Variants in OTUD4 observed in about 807,000 individuals in gnomAD.
OTUD4 encodes the protein OTU deubiquitinase 4.
In OTUD4, 24 loss-of-function variants were observed where a neutral mutation model predicts 130.4. The observed-to-expected ratio is 0.18, with a 90% CI of 0.13 to 0.26. OTUD4 has a LOEUF of 0.26. OTUD4 is among the 10% of genes least tolerant of loss of function. The probability of loss-of-function intolerance (pLI) is 1.00; values close to 1 mark genes in which losing one functional copy is unlikely to be tolerated. For missense variants in OTUD4, 1,031 were observed against 1,329.4 expected, an observed-to-expected ratio of 0.78 and a Z score of 3.49; for synonymous variants, 420 against 472.5, an observed-to-expected ratio of 0.89 and a Z score of 1.44.
At chr4:145,179,751 C>G (rs1235280015) in intron 1 of OTUD4, 64 bp downstream of exon 1, 2 of 1,464,934 alleles carry the variant, frequency 1.4e-6, no homozygotes, top group Non-Finnish European at 1.8e-6. Flanking sequence ...AGCTGCCTCC[C>G]CACCCAGACC....
chr4:145,179,612 G>A lies in OTUD4; in HGVS notation c.159+203C>T, dbSNP rs1440624953. On this transcript the variant is annotated intron_variant, in intron 1 of 20. Transcript: ENST00000447906. ...CAGGAGAGAGACACCCCGTTAATTT[G>A]CGGGCTTTCGAGTTTCAATTTGCAC... The A allele has an allele frequency of 6.5e-6, 9 of 1,385,292 alleles. No individual in the cohort carries two copies. The East Asian group carries it at 1.8e-4, about 27-fold the overall frequency. The allele number at this position is 1,385,292 out of a possible 1,614,324, so 85.8% of individuals were successfully genotyped here. A position where few individuals can be genotyped will look rare whatever the true frequency, so the allele number is the denominator to read the frequency against.
At position 145,172,479 on chromosome 4, in the gene OTUD4, A is replaced by G. The variant is rs572173853; in HGVS notation, c.244-759T>C. Among the ~76,000 whole-genome samples, 71 of 152,286 alleles carry G rather than the reference A, an allele frequency of 4.7e-4. No individual in the cohort carries two copies. The South Asian group carries it at 0.014, about 30-fold the overall frequency. On this transcript the variant is annotated intron_variant, in intron 2 of 20. Transcript: ENST00000447906. ...GCTTCATTGTTACTTTGACATAAAA[A>G]CAGTTTATTCAAGCTGTGTAATAAC...
At position 145,167,978 on chromosome 4, in the gene OTUD4, T is replaced by C. The variant is rs543177896; in HGVS notation, c.295-2781A>G. ...TTTTGTAGTCTGGTTAGGTAAACAA[T>C]GGATATCCTAAAATCTTCCCCAAGC... is the stretch of plus-strand genomic sequence containing the variant. On this transcript the variant is annotated intron_variant, in intron 3 of 20. Coordinates refer to ENST00000447906, the MANE Select transcript of OTUD4 (RefSeq NM_001366057.1). Among the ~76,000 whole-genome samples the C allele has an allele frequency of 1.9e-4, 29 of 152,262 alleles. No homozygotes were observed. In the South Asian group the frequency reaches 4.6e-3, roughly 24 times the overall value.
chr4:145,152,684 C>A, intron 10 of OTUD4, 49 bp from the exon 11 acceptor site: 3 of 1,029,148 alleles, frequency 2.9e-6, no homozygotes, highest in Non-Finnish European at 3.0e-6. Context: ...CAGTCACCTG[C>A]TTCCTTTGCA....
intron 7 of OTUD4, 32 bp downstream of exon 7, chr4:145,159,471 C>CTTCT (rs1751450968): frequency 1.2e-6 from 2 of 1,611,594 alleles, no homozygotes; most frequent in East Asian, 4.5e-5. Context: ...TTGTATGGCA[C>CTTCT]TAAGAAAGGT....
intron 2 of OTUD4, among the ~76,000 whole-genome samples, chr4:145,172,899 T>A (rs1346676266): frequency 6.6e-6 from 1 of 151,922 alleles, no homozygotes; most frequent in Non-Finnish European, 1.5e-5. Context: ...GACACAAGCC[T>A]GCATCCTCTC....
chr4:145,139,779 G>A (rs180931449), intron 20 of OTUD4, among the ~76,000 whole-genome samples, 172 bp downstream of exon 20: 8 of 152,276 alleles, frequency 5.3e-5, no homozygotes, highest in African/African-American at 1.9e-4. Context: ...TAAAACTGGA[G>A]CCTCTACTAG....
intron 1 of OTUD4, among the ~76,000 whole-genome samples, chr4:145,176,190 C>T (rs1035857238): frequency 1.3e-5 from 2 of 151,548 alleles, no homozygotes; most frequent in Non-Finnish European, 2.9e-5. Flanking sequence ...GCCACCACGC[C>T]CGGCCCTAGC....
intron 17 of OTUD4, among the ~76,000 whole-genome samples, chr4:145,142,582 C>T (rs1468463705): frequency 6.6e-6 from 1 of 152,226 alleles, no homozygotes; most frequent in Admixed American, 6.5e-5. Context: ...GACAGGGTTT[C>T]ACCCTGTTGC....
At chr4:145,145,102 G>A (rs1750754719) in intron 14 of OTUD4, among the ~76,000 whole-genome samples, 4 of 152,106 alleles carry the variant, frequency 2.6e-5, no homozygotes, top group South Asian at 2.1e-4. Context: ...CTAAAATGAT[G>A]AGTATGAAGG....
intron 7 of OTUD4, chr4:145,159,078 T>A (rs1751431068): frequency 1.1e-6 from 1 of 919,814 alleles, no homozygotes; most frequent in Non-Finnish European, 1.3e-6. Context: ...TAACCCCAAC[T>A]TGGAACTTTC....
rs3063573 is a variant in OTUD4 at position 145,136,485 on chromosome 4, A to AAC, written c.*943_*944dup. On this transcript the variant is annotated 3_prime_UTR_variant, in exon 21 of 21. Transcript: ENST00000447906. ...GTGCGGGGGGGGGGGGGAGGAAGAA[A>AAC]ACAACTCTAGAAACCTGTCAAGCTA... 0.075 allele frequency: 4,857 copies of AAC among 64,582 alleles called. 1,180 individuals are homozygous for AAC. Among genetic ancestry groups the AAC allele is most frequent in the African/African-American group, 0.23 (3,589 of 15,508 alleles). 4.0% of individuals were successfully genotyped at this position (64,582 alleles called of 1,614,324 possible).
intron 5 of OTUD4, among the ~76,000 whole-genome samples, chr4:145,163,703 C>CT (rs11430342): frequency 0.22 from 28,421 of 126,436 alleles, 4,039 homozygotes; most frequent in East Asian, 0.47. Context: ...TAATAGGAAC[C>CT]TTTTTTTTTT....
chr4:145,155,489 AAAG>A lies in OTUD4; in HGVS notation c.809-17_809-15del, dbSNP rs1311490732. The stretch of plus-strand genomic sequence containing the variant: ...GTTTTTGCTGAGCTGTTAAAAAAAA[AAAG>A]GTCAGTATAATATAAAGTTGACTTA... On this transcript the variant is annotated splice_polypyrimidine_tract_variant and intron_variant, in intron 9 of 20. Coordinates refer to ENST00000447906, the MANE Select transcript of OTUD4 (RefSeq NM_001366057.1). 8 of 1,608,470 alleles carry A rather than the reference AAAG, an allele frequency of 5.0e-6. No homozygotes were observed. In the East Asian group the frequency reaches 1.8e-4, roughly 36 times the overall value.
At chr4:145,170,369 T>C (rs533223782) in intron 3 of OTUD4, among the ~76,000 whole-genome samples, 2 of 152,354 alleles carry the variant, frequency 1.3e-5, no homozygotes, top group African/African-American at 4.8e-5. Context: ...CTCCACACAA[T>C]TGGAACTGTT....
At chr4:145,159,754 T>G (rs1751466018) in intron 6 of OTUD4, 119 bp from the exon 7 acceptor site, 7 of 903,400 alleles carry the variant, frequency 7.7e-6, no homozygotes, top group Non-Finnish European at 1.2e-5. Context: ...TGACTAGATA[T>G]CTGCTAAACC....
chr4:145,166,599 T>C (rs1751888175), intron 3 of OTUD4, among the ~76,000 whole-genome samples: 1 of 151,900 alleles, frequency 6.6e-6, no homozygotes, highest in Non-Finnish European at 1.5e-5. Context: ...CCCAACACTT[T>C]GGGAGGCCGA....
At chr4:145,161,895 T>C (rs1451519340) in intron 6 of OTUD4, among the ~76,000 whole-genome samples, 1 of 152,184 alleles carries the variant, frequency 6.6e-6, no homozygotes, top group Non-Finnish European at 1.5e-5. Context: ...CCAAAATGAT[T>C]GCAGGAAAAA....
chr4:145,167,547 T>C (rs781009434), intron 3 of OTUD4, among the ~76,000 whole-genome samples: 1 of 152,152 alleles, frequency 6.6e-6, no homozygotes, highest in Non-Finnish European at 1.5e-5. Flanking sequence ...ACAAGAAGTA[T>C]TACATCACTT....
Sources: allele counts gnomAD v4.1 joint callset (sites outside exome capture counted in the v4.1 genomes callset), GRCh38; gene constraint gnomAD v4.1.1; transcripts MANE v1.5; gene names NCBI Gene and HGNC (gene_info 2026-07-23, HGNC 2026-07-21).